The following TRIM11 variants were observed in gnomAD, a reference collection of about 807,000 sequenced individuals.
TRIM11 encodes tripartite motif containing 11, also known as E3 ubiquitin-protein ligase TRIM11.
Under a neutral mutation model 33.4 loss-of-function variants are expected in TRIM11, and 15 were observed. That is an observed-to-expected ratio of 0.45 (90% CI 0.30 to 0.69). The LOEUF is 0.69. Ranked by LOEUF, TRIM11 falls within the 30% of genes least tolerant of loss-of-function variation. TRIM11 has a pLI of 0.08. For missense variants in TRIM11, 499 were observed against 667.6 expected (o/e 0.75, Z 2.78); for synonymous variants, 281 against 302.6 (o/e 0.93, Z 0.74).
intron 5 of TRIM11, 192 bp downstream of exon 5, chr1:228,396,751 GAATT>G: frequency 1.4e-6 from 1 of 721,288 alleles, no homozygotes; most frequent in Non-Finnish European, 2.6e-6. Flanking sequence ...AGAAGTTGAA[GAATT>G]GTTTGGTGTG....
chr1:228,402,044 C>T (rs757637651), intron 2 of TRIM11, 22 bp downstream of exon 2: 50 of 1,604,824 alleles, frequency 3.1e-5, no homozygotes, highest in Non-Finnish European at 4.1e-5. Context: ...CCACCCAGGA[C>T]CCTGGGAGCC....
intron 3 of TRIM11, 87 bp from the exon 4 acceptor site, chr1:228,397,252 C>A: frequency 6.7e-7 from 1 of 1,488,336 alleles, no homozygotes; most frequent in East Asian, 2.3e-5. Context: ...AGCCTCGCCC[C>A]GTCCCCCTCT....
intron 3 of TRIM11, among the ~76,000 whole-genome samples, chr1:228,399,964 G>A (rs1442245533): frequency 1.3e-5 from 2 of 152,012 alleles, no homozygotes; most frequent in South Asian, 2.1e-4. Context: ...ACCAGGAGCC[G>A]GTGCCTGGAC....
chr1:228,405,394 C>T (rs1213011403), intron 1 of TRIM11: 1 of 152,286 alleles, frequency 6.6e-6, no homozygotes, highest in African/African-American at 2.4e-5. Context: ...AAGAAAGCTC[C>T]AAAGATGCTG....
chr1:228,402,863 GAGCTGTGAGTCTCC>G (rs996977027), intron 1 of TRIM11: 2 of 152,286 alleles, frequency 1.3e-5, no homozygotes, highest in African/African-American at 4.8e-5. Context: ...CCAGCCTCCA[GAGCTGTGAGTCTCC>G]AGCTTGTATA....
chr1:228,398,724 G>A (rs2075006499), intron 3 of TRIM11, among the ~76,000 whole-genome samples: 1 of 152,070 alleles, frequency 6.6e-6, no homozygotes, highest in African/African-American at 2.4e-5. Flanking sequence ...TGAGGGAGGG[G>A]TGTGCACAGG....
At chr1:228,396,746 T>G (rs1481419173) in intron 5 of TRIM11, 1 of 720,590 alleles carries the variant, frequency 1.4e-6, no homozygotes, top group Admixed American at 2.0e-5. Context: ...TTTCCAGAAG[T>G]TGAAGAATTG....
Position 228,403,054 on chromosome 1 carries a change from T to A in TRIM11, c.409-893A>T, listed in dbSNP as rs1057047802. 1.3e-5 allele frequency: 2 copies of A among 152,220 alleles called. No individual in the cohort carries two copies. The highest frequency in any genetic ancestry group is 4.8e-5 in the African/African-American group (2 of 41,436). 9.4% of individuals were successfully genotyped at this position (152,220 alleles called of 1,614,324 possible). A position where few individuals can be genotyped will look rare whatever the true frequency, so the allele number is the denominator to read the frequency against. On this transcript the variant is annotated intron_variant, in intron 1 of 5. Coordinates refer to ENST00000284551, the MANE Select transcript of TRIM11 (RefSeq NM_145214.3). This position sits in a 1 kb window ranked among gnomAD's most constrained non-coding sequence, Gnocchi z 4.8. The stretch of plus-strand genomic sequence containing the variant: ...CAGGATGGGTACACCTCCATTCTGC[T>A]TTCTTGGTCCTTAATTCTCATTCCC...
In TRIM11 at chr1:228,395,557, G is replaced by C. The variant is rs1364789204; in HGVS notation, c.860-305C>G. On this transcript the variant is annotated intron_variant, in intron 5 of 5. Transcript: ENST00000284551. This position sits in a 1 kb window ranked among gnomAD's most constrained non-coding sequence, Gnocchi z 4.8. ...TTAAAGAGGCAGGGTCTTGCTCTGTGGCCCCAGGCTGCAGTGCAGTGGTGC... is the reference window on the plus strand; with the variant it reads ...TTAAAGAGGCAGGGTCTTGCTCTGTCGCCCCAGGCTGCAGTGCAGTGGTGC... The C allele has an allele frequency of 7.7e-6, 2 of 258,476 alleles. No individual in the cohort carries two copies. The highest frequency in any genetic ancestry group is 1.1e-4 in the Admixed American group (2 of 18,480). 16.0% of individuals were successfully genotyped at this position (258,476 alleles called of 1,614,324 possible).
chr1:228,401,908 A>G lies in TRIM11; in HGVS notation c.504+158T>C, dbSNP rs1310242582. 1.3e-5 allele frequency among the ~76,000 whole-genome samples: 2 copies of G among 152,074 alleles called. No individual in the cohort carries two copies. Among genetic ancestry groups the G allele is most frequent in the Non-Finnish European group, 2.9e-5 (2 of 67,996 alleles). On this transcript the variant is annotated intron_variant, in intron 2 of 5. Coordinates refer to ENST00000284551, the MANE Select transcript of TRIM11 (RefSeq NM_145214.3). This position sits in a 1 kb window ranked among gnomAD's most constrained non-coding sequence, Gnocchi z 6.1. ...GGACAGGTGCACGTGGGAAAGGACCAGCCCTTCAGTGGGCTCGGTGGGGCC... is the reference window on the plus strand; with the variant it reads ...GGACAGGTGCACGTGGGAAAGGACCGGCCCTTCAGTGGGCTCGGTGGGGCC...
chr1:228,399,320 G>A (rs990854781), intron 3 of TRIM11, among the ~76,000 whole-genome samples: 1 of 152,206 alleles, frequency 6.6e-6, no homozygotes, highest in African/African-American at 2.4e-5. Flanking sequence ...TGTGCTGGCA[G>A]GTTGGGGGGA....
chr1:228,396,828 CCAT>C lies in TRIM11; in HGVS notation c.859+116_859+118del, dbSNP rs765814766. On this transcript the variant is annotated intron_variant, in intron 5 of 5. Coordinates refer to ENST00000284551, the MANE Select transcript of TRIM11 (RefSeq NM_145214.3). ...AGGACGTTTTCCCAACAACCCACCA[CCAT>C]GACACTGTGAGTTTGGAGCTGGCAG... 5.2e-5 allele frequency: 49 copies of C among 935,038 alleles called. 1 individual carries two copies. In the Middle Eastern group the frequency reaches 2.1e-3, roughly 40 times the overall value. The allele number at this position is 935,038 out of a possible 1,614,324, so 57.9% of individuals were successfully genotyped here. A position where few individuals can be genotyped will look rare whatever the true frequency, so the allele number is the denominator to read the frequency against.
In TRIM11 at chr1:228,401,808, G is replaced by A. The variant is rs1230582159; in HGVS notation, c.504+258C>T. On this transcript the variant is annotated intron_variant, in intron 2 of 5. Coordinates refer to ENST00000284551, the MANE Select transcript of TRIM11 (RefSeq NM_145214.3). The surrounding 1 kb of genome is among the most constrained non-coding windows in gnomAD (Gnocchi z 6.1). Reference sequence around the variant, plus strand: ...GGGCCCAGACCCTAAATACACCTGAGAGTTGCCACCCAAGCATGCTGGGAC... The same window carrying A: ...GGGCCCAGACCCTAAATACACCTGAAAGTTGCCACCCAAGCATGCTGGGAC... Among the ~76,000 whole-genome samples the A allele has an allele frequency of 6.6e-6, 1 of 152,140 alleles. No homozygotes were observed. Among genetic ancestry groups the A allele is most frequent in the African/African-American group, 2.4e-5 (1 of 41,422 alleles).
Position 228,395,023 on chromosome 1 carries a change from C to T in TRIM11, c.1089G>A (p.Val363=). 1.2e-6 allele frequency: 2 copies of T among 1,614,066 alleles called. No individual in the cohort carries two copies. Among genetic ancestry groups the T allele is most frequent in the Non-Finnish European group, 8.5e-7 (1 of 1,179,960 alleles). ...SWALGVCREN[V]NRKEKGELSA... ...ACAGCTCGCCCTTCTCCTTCCTGTT[C>T]ACGTTCTCCCTGCACACCCCCAGGG... The change falls in exon 6 of 6, where the codon GTG becomes GTA. Residue 363 remains valine (V), a synonymous_variant. Transcript: ENST00000284551. This position sits in a 1 kb window ranked among gnomAD's most constrained non-coding sequence, Gnocchi z 4.8.
In TRIM11 at chr1:228,396,950, G is replaced by A. The variant is rs766676077; in HGVS notation, c.856C>T (p.Arg286Ter). ...PGLVETLRRFRGDVTLDPDTA... is the reference protein window; with the variant it reads ...PGLVETLRRF Reference sequence around the variant, plus strand: ...CACCTGGGGCCTCCACACCTACCTCGAAACCTCCGCAGTGTCTCTACCAGT... The same window carrying A: ...CACCTGGGGCCTCCACACCTACCTCAAAACCTCCGCAGTGTCTCTACCAGT... The change falls in exon 5 of 6, where the codon CGA (arginine) becomes TGA (stop). Residue 286 changes from arginine to a stop codon, truncating the protein, a stop_gained. Transcript: ENST00000284551. LOFTEE classifies it low-confidence loss of function (END_TRUNC). 5 of 1,613,970 alleles carry A rather than the reference G, an allele frequency of 3.1e-6. No homozygotes were observed. Among genetic ancestry groups the A allele is most frequent in the Admixed American group, 1.7e-5 (1 of 60,006 alleles).
rs1037045663 is a variant in TRIM11 at position 228,393,942 on chromosome 1, G to A, written c.*763C>T. The stretch of plus-strand genomic sequence containing the variant: ...GTCCTGAGGGGCCACTGGAGACCTA[G>A]GAAGCCTTTGCAAGGGCAAAACCCA... On this transcript the variant is annotated 3_prime_UTR_variant, in exon 6 of 6. Transcript: ENST00000284551. 1 of 152,232 alleles carries A rather than the reference G, an allele frequency of 6.6e-6. No individual in the cohort carries two copies. Among genetic ancestry groups the A allele is most frequent in the Admixed American group, 6.5e-5 (1 of 15,284 alleles). The allele number at this position is 152,232 out of a possible 1,614,324, so 9.4% of individuals were successfully genotyped here.
In TRIM11 at chr1:228,401,342, G is replaced by A. The variant is rs1483580243; in HGVS notation, c.505-148C>T. 3.9e-6 allele frequency: 4 copies of A among 1,035,258 alleles called. No individual in the cohort carries two copies. Among genetic ancestry groups the A allele is most frequent in the East Asian group, 2.6e-5 (1 of 37,980 alleles). The allele number at this position is 1,035,258 out of a possible 1,614,324, so 64.1% of individuals were successfully genotyped here. A position where few individuals can be genotyped will look rare whatever the true frequency, so the allele number is the denominator to read the frequency against. Reference sequence around the variant, plus strand: ...CTAAAGCCAAAGCACAGCACCAGGTGTGGCAGGACCCCAAACCCACCACCT... The same window carrying A: ...CTAAAGCCAAAGCACAGCACCAGGTATGGCAGGACCCCAAACCCACCACCT... On this transcript the variant is annotated intron_variant, in intron 2 of 5. Coordinates refer to ENST00000284551, the MANE Select transcript of TRIM11 (RefSeq NM_145214.3). This position sits in a 1 kb window ranked among gnomAD's most constrained non-coding sequence, Gnocchi z 6.1.
intron 3 of TRIM11, among the ~76,000 whole-genome samples, chr1:228,399,897 AAAAAAAAC>A (rs1041457418): frequency 7.3e-5 from 11 of 151,330 alleles, no homozygotes; most frequent in African/African-American, 2.7e-4. Context: ...AAAACAAAAA[AAAAAAAAC>A]AAAAAACAAA....
At chr1:228,404,071 C>G (rs1158679734) in intron 1 of TRIM11, 1 of 152,274 alleles carries the variant, frequency 6.6e-6, no homozygotes, top group Non-Finnish European at 1.5e-5. Context: ...GTACCTGCAT[C>G]TTTGTGTCTC....
Sources: gnomAD v4.1 joint callset for allele counts (sites outside exome capture counted in the v4.1 genomes callset) on GRCh38, gnomAD v4.1.1 for gene constraint, Gnocchi (gnomAD v3.1) non-coding constraint, MANE v1.5 for transcripts, NCBI Gene and HGNC (gene_info 2026-07-23, HGNC 2026-07-21) for gene names.